The following INPP5A variants were observed in gnomAD, a reference collection of about 807,000 sequenced individuals.
The protein encoded by INPP5A is inositol polyphosphate-5-phosphatase A.
Under a neutral mutation model 65.2 loss-of-function variants are expected in INPP5A, and 14 were observed. The ratio of observed to expected loss-of-function variants is 0.21; its 90% CI spans 0.14 to 0.34. INPP5A has a LOEUF of 0.34. INPP5A is among the 10% of genes least tolerant of loss of function. The probability of loss-of-function intolerance (pLI) is 1.00; values close to 1 mark genes in which losing one functional copy is unlikely to be tolerated. For synonymous variants in INPP5A, 207 were observed against 208.3 expected, an observed-to-expected ratio of 0.99 and a Z score of 0.05; for missense variants, 431 against 545.6, an observed-to-expected ratio of 0.79 and a Z score of 2.09.
chr10:132,615,958 G>A (rs2072026346), intron 2 of INPP5A, among the ~76,000 whole-genome samples: 1 of 152,182 alleles, frequency 6.6e-6, no homozygotes, highest in Non-Finnish European at 1.5e-5. Context: ...GGTGGGCCTG[G>A]CACCTGAGGC....
chr10:132,578,473 C>T (rs1207546893), intron 1 of INPP5A, among the ~76,000 whole-genome samples: 1 of 149,784 alleles, frequency 6.7e-6, no homozygotes, highest in Non-Finnish European at 1.5e-5. Context: ...ACTGGAGCAG[C>T]TCTGTCAGGA....
chr10:132,672,862 C>T (rs2072910489), intron 4 of INPP5A, among the ~76,000 whole-genome samples: 1 of 152,340 alleles, frequency 6.6e-6, no homozygotes, highest in South Asian at 2.1e-4. Flanking sequence ...ACTGTCCATT[C>T]TGTATTCCCT....
rs778945741 is a variant in INPP5A at position 132,708,302 on chromosome 10, T to G, written c.475-11T>G. 2 of 1,614,040 alleles carry G rather than the reference T, an allele frequency of 1.2e-6. No individual in the cohort carries two copies. The highest frequency in any genetic ancestry group is 1.7e-6 in the Non-Finnish European group (2 of 1,179,904). Reference sequence around the variant, plus strand: ...ACTCTGGCTCATTTGTGTGACGTGTTTATTTTTCAGTGCAAATGGTCAAGA... The same window carrying G: ...ACTCTGGCTCATTTGTGTGACGTGTGTATTTTTCAGTGCAAATGGTCAAGA... On this transcript the variant is annotated splice_polypyrimidine_tract_variant and intron_variant, in intron 6 of 15. Coordinates refer to ENST00000368594, the MANE Select transcript of INPP5A (RefSeq NM_005539.5).
At chr10:132,769,795 G>A (rs1422953604) in intron 12 of INPP5A, among the ~76,000 whole-genome samples, 8 of 129,492 alleles carry the variant, frequency 6.2e-5, no homozygotes, top group African/African-American at 1.7e-4. Flanking sequence ...CCCCCACCCC[G>A]TAGCTCCCCC....
chr10:132,561,202 A>G lies in INPP5A; in HGVS notation c.75+23031A>G, dbSNP rs116575859. Among the ~76,000 whole-genome samples, 428 of 146,084 alleles carry G rather than the reference A, an allele frequency of 2.9e-3. 1 individual carries two copies. The highest frequency in any genetic ancestry group is 0.011 in the African/African-American group (416 of 38,316). ...CCCAGCCTCTGGAATAGCAGGGACT[A>G]CAGACTTGTATCACCACACCTGGCT... is the stretch of plus-strand genomic sequence containing the variant. On this transcript the variant is annotated intron_variant, in intron 1 of 15. Transcript: ENST00000368594.
intron 2 of INPP5A, among the ~76,000 whole-genome samples, chr10:132,615,377 A>G (rs75898654): frequency 0.023 from 3,539 of 152,304 alleles, 48 homozygotes; most frequent in South Asian, 0.039. Context: ...GGGATGCTGT[A>G]TGAGGAAGAC....
intron 11 of INPP5A, among the ~76,000 whole-genome samples, chr10:132,751,215 C>T (rs534574583): frequency 6.6e-6 from 1 of 152,350 alleles, no homozygotes; most frequent in Non-Finnish European, 1.5e-5. Flanking sequence ...CCGTGACGCC[C>T]ACACCTCCGT....
At chr10:132,693,636 T>G (rs1242855741) in intron 5 of INPP5A, among the ~76,000 whole-genome samples, 3 of 152,008 alleles carry the variant, frequency 2.0e-5, no homozygotes, top group South Asian at 2.1e-4. Flanking sequence ...GAAAAGTAAA[T>G]TAAACCAAAA....
At chr10:132,725,252 AAT>A (rs1845965865) in intron 8 of INPP5A, among the ~76,000 whole-genome samples, 1 of 152,258 alleles carries the variant, frequency 6.6e-6, no homozygotes, top group Non-Finnish European at 1.5e-5. Context: ...GCCAAAGTGA[AAT>A]ACAGTGGTGA....
intron 1 of INPP5A, among the ~76,000 whole-genome samples, chr10:132,606,015 T>C (rs1426907821): frequency 2.0e-5 from 3 of 152,104 alleles, no homozygotes; most frequent in Non-Finnish European, 4.4e-5. Context: ...TCATGACCCA[T>C]GAATTGGGCT....
intron 4 of INPP5A, among the ~76,000 whole-genome samples, chr10:132,670,843 CTTTTT>C (rs11289296): frequency 8.5e-6 from 1 of 117,022 alleles, no homozygotes; most frequent in Non-Finnish European, 1.7e-5. Flanking sequence ...GTCTTTCTTT[CTTTTT>C]TTTTTTTTTT....
At chr10:132,554,862 GGTGGT>G (rs1281364644) in intron 1 of INPP5A, among the ~76,000 whole-genome samples, 2 of 149,898 alleles carry the variant, frequency 1.3e-5, no homozygotes, top group Non-Finnish European at 3.0e-5. Context: ...GATCAATGTG[GGTGGT>G]GTGGTTGGCA....
At chr10:132,643,037 C>T (rs986329232) in intron 2 of INPP5A, among the ~76,000 whole-genome samples, 1 of 152,122 alleles carries the variant, frequency 6.6e-6, no homozygotes, top group South Asian at 2.1e-4. Flanking sequence ...GAGTCATTTT[C>T]CTCAGTTGTT....
intron 4 of INPP5A, among the ~76,000 whole-genome samples, chr10:132,657,923 G>T (rs892167154): frequency 6.6e-6 from 1 of 152,218 alleles, no homozygotes; most frequent in African/African-American, 2.4e-5. Context: ...CCTAAATCAC[G>T]GGCTGTCTCC....
intron 2 of INPP5A, among the ~76,000 whole-genome samples, chr10:132,609,376 G>A (rs1292494150): frequency 3.3e-5 from 5 of 152,162 alleles, no homozygotes; most frequent in Non-Finnish European, 5.9e-5. Context: ...TCAACCGCAC[G>A]TCGGGGGCCA....
chr10:132,775,529 C>T (rs1018057021), intron 12 of INPP5A, among the ~76,000 whole-genome samples: 1 of 152,114 alleles, frequency 6.6e-6, no homozygotes, highest in Non-Finnish European at 1.5e-5. Context: ...CCAGCCCCTC[C>T]TGCATTTCTC....
intron 12 of INPP5A, 111 bp downstream of exon 12, chr10:132,765,957 A>G: frequency 1.4e-6 from 1 of 726,890 alleles, no homozygotes; most frequent in African/African-American, 1.7e-5. Flanking sequence ...GCTGGGCATG[A>G]GTGTGTGCAT....
At chr10:132,734,067 C>G (rs554796612) in intron 9 of INPP5A, among the ~76,000 whole-genome samples, 89 of 152,352 alleles carry the variant, frequency 5.8e-4, no homozygotes, top group Middle Eastern at 3.4e-3. Context: ...AGCTGGTGAA[C>G]CGGGGCTGCG....
chr10:132,567,829 T>C (rs1337637662), intron 1 of INPP5A, among the ~76,000 whole-genome samples: 1 of 152,224 alleles, frequency 6.6e-6, no homozygotes, highest in Non-Finnish European at 1.5e-5. Flanking sequence ...TACTGAATTA[T>C]ATGCTTTCCT....
Sources: allele counts gnomAD v4.1 joint callset (sites outside exome capture counted in the v4.1 genomes callset), GRCh38; gene constraint gnomAD v4.1.1; transcripts MANE v1.5; gene names NCBI Gene and HGNC (gene_info 2026-07-23, HGNC 2026-07-21).